The following ALG8 variants were observed in gnomAD, a reference collection of about 807,000 sequenced individuals.
The protein encoded by ALG8 is ALG8 alpha-1,3-glucosyltransferase, also known as dolichyl pyrophosphate Glc1Man9GlcNAc2 alpha-1,3-glucosyltransferase.
ALG8 carries 48 observed loss-of-function variants against 70.2 expected under a neutral mutation model. That is an observed-to-expected ratio of 0.68 (90% CI 0.54 to 0.87). The LOEUF is 0.87. ALG8 is among the 40% of genes least tolerant of loss of function. The probability of loss-of-function intolerance (pLI) is 0.00; values close to 1 mark genes in which losing one functional copy is unlikely to be tolerated. For missense variants in ALG8, 572 were observed against 608.7 expected (o/e 0.94, Z 0.64); for synonymous variants, 234 against 229.0 (o/e 1.02, Z -0.20).
chr11:78,104,676 G>T (rs979925834), intron 10 of ALG8: 1 of 460,160 alleles, frequency 2.2e-6, no homozygotes, highest in Non-Finnish European at 3.9e-6. Flanking sequence ...AAAGAATCTT[G>T]CTTCTGGCCG....
chr11:78,102,312 TATG>T (rs1285945472), intron 12 of ALG8, among the ~76,000 whole-genome samples: 4 of 152,254 alleles, frequency 2.6e-5, no homozygotes, highest in Non-Finnish European at 4.4e-5. Flanking sequence ...AGTGGAACGA[TATG>T]ATATTTGTTC....
At chr11:78,117,173 C>T (rs146798655) in intron 5 of ALG8, among the ~76,000 whole-genome samples, 6 of 152,166 alleles carry the variant, frequency 3.9e-5, no homozygotes, top group East Asian at 1.9e-4. Context: ...AAGAATGTAG[C>T]GGTAAATTTC....
Position 78,106,915 on chromosome 11 carries a change from T to C in ALG8, c.1070A>G (p.Gln357Arg). The C allele has an allele frequency of 6.2e-7, 1 of 1,614,010 alleles. No homozygotes were observed. Among genetic ancestry groups the C allele is most frequent in the Non-Finnish European group, 8.5e-7 (1 of 1,179,980 alleles). ...PSIFCLWFKPQGPRGFLRCLT... is the reference protein window; with the variant it reads ...PSIFCLWFKPRGPRGFLRCLT... ...ACATCGGAGAAAGCCTCTGGGCCCTTGGGGTTTAAACCAAAGACAGAAAAT... is the reference window on the plus strand; with the variant it reads ...ACATCGGAGAAAGCCTCTGGGCCCTCGGGGTTTAAACCAAAGACAGAAAAT... The change falls in exon 10 of 13, where the codon CAA (glutamine) becomes CGA (arginine). Residue 357 changes from glutamine (Q) to arginine (R), a missense_variant. Transcript: ENST00000299626.
At chr11:78,112,861 G>A (rs1860365889) in intron 7 of ALG8, 91 bp from the exon 8 acceptor site, 1 of 1,500,320 alleles carries the variant, frequency 6.7e-7, no homozygotes, top group African/African-American at 1.4e-5. Flanking sequence ...GGTATAGTGT[G>A]TAGAAAGTTA....
chr11:78,124,880 T>C (rs1565358224), intron 2 of ALG8, among the ~76,000 whole-genome samples: 1 of 152,202 alleles, frequency 6.6e-6, no homozygotes, highest in South Asian at 2.1e-4. Context: ...TCATTTTGTA[T>C]CCTCAGCATT....
intron 11 of ALG8, 119 bp from the exon 12 acceptor site, chr11:78,104,171 A>C: frequency 1.1e-6 from 1 of 932,224 alleles, no homozygotes; most frequent in Non-Finnish European, 1.6e-6. Flanking sequence ...TTTTAAGTTT[A>C]ATTTTACATT....
At chr11:78,125,718 G>A (rs1861039135) in intron 2 of ALG8, among the ~76,000 whole-genome samples, 1 of 151,802 alleles carries the variant, frequency 6.6e-6, no homozygotes, top group Non-Finnish European at 1.5e-5. Context: ...AAAGGCAGGA[G>A]AATCACTTGA....
chr11:78,122,322 G>A (rs1334778945), intron 3 of ALG8, among the ~76,000 whole-genome samples: 2 of 151,328 alleles, frequency 1.3e-5, no homozygotes, highest in East Asian at 3.9e-4. Context: ...TTGGTTCTGG[G>A]AACTGACACA....
Position 78,104,066 on chromosome 11 carries a change from A to AG in ALG8, c.1277-15dup. ...TAATGGGAAGTTCTGTTAAAAGAAT[A>AG]GAAAAAAAAAGATAATTTAGCTGAT... is the stretch of plus-strand genomic sequence containing the variant. On this transcript the variant is annotated splice_polypyrimidine_tract_variant and intron_variant, in intron 11 of 12. Transcript: ENST00000299626. The AG allele has an allele frequency of 7.0e-7, 1 of 1,426,556 alleles. No homozygotes were observed. The highest frequency in any genetic ancestry group is 9.8e-7 in the Non-Finnish European group (1 of 1,015,322). The allele number at this position is 1,426,556 out of a possible 1,614,324, so 88.4% of individuals were successfully genotyped here.
chr11:78,132,575 T>C (rs1001047220), intron 1 of ALG8, among the ~76,000 whole-genome samples: 7 of 152,172 alleles, frequency 4.6e-5, no homozygotes, highest in African/African-American at 1.7e-4. Context: ...TGTTGCTTAT[T>C]CCATGCCAGC....
intron 3 of ALG8, 64 bp downstream of exon 3, chr11:78,123,957 T>C: frequency 2.6e-6 from 4 of 1,556,372 alleles, no homozygotes; most frequent in South Asian, 1.1e-5. Context: ...AGTAAGTTAA[T>C]ACTACTTAAC....
intron 1 of ALG8, among the ~76,000 whole-genome samples, chr11:78,133,849 C>A (rs957978248): frequency 6.6e-6 from 1 of 150,754 alleles, no homozygotes; most frequent in Non-Finnish European, 1.5e-5. Flanking sequence ...TGCAGTGAGC[C>A]GAGATAGCGC....
At chr11:78,131,390 G>A (rs1357005259) in intron 1 of ALG8, among the ~76,000 whole-genome samples, 1 of 152,162 alleles carries the variant, frequency 6.6e-6, no homozygotes, top group East Asian at 1.9e-4. Context: ...ATAGCTTGAG[G>A]TTGGAAGTTC....
chr11:78,113,692 G>A (rs991680957), intron 7 of ALG8, among the ~76,000 whole-genome samples, 194 bp downstream of exon 7: 5 of 139,704 alleles, frequency 3.6e-5, no homozygotes, highest in African/African-American at 1.4e-4. Context: ...CAGCCTGGGC[G>A]ACACAGTGAG....
intron 1 of ALG8, chr11:78,138,905 GCT>G (rs1861672892): frequency 4.8e-6 from 2 of 414,876 alleles, no homozygotes; most frequent in South Asian, 1.7e-5. Context: ...TTCCTAGAAT[GCT>G]CTGACTTCTT....
At chr11:78,101,450 GA>G (rs1459838051) in intron 12 of ALG8, among the ~76,000 whole-genome samples, 1 of 152,086 alleles carries the variant, frequency 6.6e-6, no homozygotes, top group Non-Finnish European at 1.5e-5. Flanking sequence ...CCAACATGGA[GA>G]AACCCCATCT....
intron 1 of ALG8, among the ~76,000 whole-genome samples, chr11:78,132,811 A>G (rs1861359729): frequency 6.8e-6 from 1 of 147,288 alleles, no homozygotes; most frequent in Admixed American, 6.8e-5. Flanking sequence ...GTCGCCTGAT[A>G]GGATCCTGTT....
At chr11:78,103,365 G>C (rs527901606) in intron 12 of ALG8, 2 of 152,980 alleles carry the variant, frequency 1.3e-5, no homozygotes, top group African/African-American at 4.8e-5. Context: ...TCAGGAGGCT[G>C]AGGCTGGAGA....
At chr11:78,122,460 G>T (rs1812166) in intron 3 of ALG8, among the ~76,000 whole-genome samples, 67,283 of 151,150 alleles carry the variant, frequency 0.45, 15,074 homozygotes, top group Non-Finnish European at 0.46. Context: ...CTCTGCCTCA[G>T]GCTCCCAAGT....
Sources: allele counts gnomAD v4.1 joint callset (sites outside exome capture counted in the v4.1 genomes callset), GRCh38; gene constraint gnomAD v4.1.1; transcripts MANE v1.5; gene names NCBI Gene and HGNC (gene_info 2026-07-23, HGNC 2026-07-21).